UGGT1: variants seen among roughly 807,000 people sequenced by gnomAD.
UGGT1 encodes the protein UDP-glucose:glycoprotein glucosyltransferase 1.
Under a neutral mutation model 203.9 loss-of-function variants are expected in UGGT1, and 107 were observed. The ratio of observed to expected loss-of-function variants is 0.52; its 90% CI spans 0.45 to 0.62. UGGT1 has a LOEUF of 0.62. UGGT1 is among the 20% of genes least tolerant of loss of function. UGGT1 has a pLI of 0.00. For synonymous variants in UGGT1, 628 were observed against 653.5 expected, an observed-to-expected ratio of 0.96 and a Z score of 0.59; for missense variants, 1,673 against 1,867.2, an observed-to-expected ratio of 0.90 and a Z score of 1.92.
intron 29 of UGGT1, among the ~76,000 whole-genome samples, chr2:128,173,426 C>T (rs959470583): frequency 2.6e-5 from 4 of 152,140 alleles, no homozygotes; most frequent in South Asian, 2.1e-4. Flanking sequence ...ATCTTATCCT[C>T]GTTCGTATTT....
At position 128,194,266 on chromosome 2, in the gene UGGT1, CT is replaced by C. The variant is rs11402174; in HGVS notation, c.*4537del. ...CGCCACCACACCCGGCTAATTTTTG[CT>C]TTTTTTTTTTTTGAGACAGAATCTC... On this transcript the variant is annotated 3_prime_UTR_variant, in exon 41 of 41. Coordinates refer to ENST00000259253, the MANE Select transcript of UGGT1 (RefSeq NM_020120.4). 5.8e-4 allele frequency: 84 copies of C among 143,620 alleles called. No individual in the cohort carries two copies. The highest frequency in any genetic ancestry group is 7.1e-3 in the Middle Eastern group (2 of 280). The allele number at this position is 143,620 out of a possible 1,614,324, so 8.9% of individuals were successfully genotyped here.
chr2:128,154,060 T>TACACAC lies in UGGT1; in HGVS notation c.2137+1177_2137+1182dup, dbSNP rs10597837. ...GGTAGAGGAAAAATACATGTATATA[T>TACACAC]ACACACACACACACACACACACACA... On this transcript the variant is annotated intron_variant, in intron 19 of 40. Coordinates refer to ENST00000259253, the MANE Select transcript of UGGT1 (RefSeq NM_020120.4). Among the ~76,000 whole-genome samples the TACACAC allele has an allele frequency of 1.7e-3, 259 of 149,790 alleles. 1 individual carries two copies. Among genetic ancestry groups the TACACAC allele is most frequent in the African/African-American group, 3.9e-3 (158 of 40,630 alleles).
chr2:128,115,129 C>G lies in UGGT1; in HGVS notation c.702C>G (p.Pro234=). 1 of 1,613,892 alleles carries G rather than the reference C, an allele frequency of 6.2e-7. No individual in the cohort carries two copies. Residue 234 remains proline, a synonymous_variant, in exon 7 of 41, where the codon CCC becomes CCG. Transcript: ENST00000259253. ...NYVFRHYIFN[P]RKEPVYLSGY... is the part of the protein sequence containing the mutation. ...AATTCTTGCTTTACTTGCAGAATCCCAGGAAGGAGCCTGTTTACCTCTCTG... is the reference window on the plus strand; with the variant it reads ...AATTCTTGCTTTACTTGCAGAATCCGAGGAAGGAGCCTGTTTACCTCTCTG...
chr2:128,155,561 A>G lies in UGGT1; in HGVS notation c.2210A>G (p.Asn737Ser), dbSNP rs753330688. ...CAAGGCAAGACTGCTGCTGTAGCCAATAGTATGAACTATCTGACAAAGAAA... is the reference window on the plus strand; with the variant it reads ...CAAGGCAAGACTGCTGCTGTAGCCAGTAGTATGAACTATCTGACAAAGAAA... Reference protein sequence around the residue: ...DSQGKTAAVANSMNYLTKKGM... With the variant: ...DSQGKTAAVASSMNYLTKKGM... Residue 737 changes from asparagine (N) to serine (S), a missense_variant, in exon 20 of 41, where the codon AAT becomes AGT. Transcript: ENST00000259253. The G allele has an allele frequency of 9.9e-6, 16 of 1,613,080 alleles. No homozygotes were observed. Among genetic ancestry groups the G allele is most frequent in the Middle Eastern group, 1.6e-4 (1 of 6,064 alleles).
chr2:128,129,217 C>G (rs368698922), intron 13 of UGGT1, 38 bp downstream of exon 13: 1 of 1,567,284 alleles, frequency 6.4e-7, no homozygotes, highest in Non-Finnish European at 8.6e-7. Flanking sequence ...GACTTTCTGA[C>G]CAGGAATCTT....
chr2:128,138,418 G>A lies in UGGT1; in HGVS notation c.1584-299G>A, dbSNP rs1447997928. Among the ~76,000 whole-genome samples the A allele has an allele frequency of 5.9e-5, 9 of 152,076 alleles. No homozygotes were observed. In the East Asian group the frequency reaches 1.5e-3, roughly 26 times the overall value. ...TAATCGCAGCTACTTGGGAGGCTGA[G>A]GCAGGAGAATCGCTTGAACCTGGGA... On this transcript the variant is annotated intron_variant, in intron 15 of 40. Transcript: ENST00000259253.
rs1007769275 is a variant in UGGT1, at chr2:128,172,832, T to G, written c.3294+70T>G. On this transcript the variant is annotated intron_variant, in intron 29 of 40. Coordinates refer to ENST00000259253, the MANE Select transcript of UGGT1 (RefSeq NM_020120.4). ...ACAGCAGATTGAATCATAGTCTAGG[T>G]GGGCCTCTGAGACATCAGTGTTCAG... 2.8e-6 allele frequency: 4 copies of G among 1,454,496 alleles called. No homozygotes were observed. In the African/African-American group the frequency reaches 4.2e-5, roughly 15 times the overall value. 90.1% of individuals were successfully genotyped at this position (1,454,496 alleles called of 1,614,324 possible).
At position 128,187,546 on chromosome 2, in the gene UGGT1, TC is replaced by T; in HGVS notation, c.4576del (p.Arg1526AlafsTer42). 6.2e-7 allele frequency: 1 copy of T among 1,614,056 alleles called. No homozygotes were observed. Among genetic ancestry groups the T allele is most frequent in the Non-Finnish European group, 8.5e-7 (1 of 1,180,022 alleles). ...DYDQEIKQLQ[I>X]RFQKEKETGA... ...GACCAAGAGATCAAACAGCTACAGA[TC>T]CGCTTTCAGAAGGAGAAAGAAACGG... is the stretch of plus-strand genomic sequence containing the variant. On this transcript the variant is annotated frameshift_variant, in exon 40 of 41. Transcript: ENST00000259253. LOFTEE classifies it high-confidence loss of function.
intron 2 of UGGT1, among the ~76,000 whole-genome samples, chr2:128,099,180 G>T (rs1687253930): frequency 6.6e-6 from 1 of 152,102 alleles, no homozygotes; most frequent in African/African-American, 2.4e-5. Context: ...GCCTGTCTCT[G>T]TTGTTCAGGC....
At chr2:128,095,642 C>G (rs1343031249) in intron 1 of UGGT1, among the ~76,000 whole-genome samples, 1 of 152,102 alleles carries the variant, frequency 6.6e-6, no homozygotes, top group African/African-American at 2.4e-5. Flanking sequence ...GTGCATGCCA[C>G]CATGCCTGGC....
intron 4 of UGGT1, 136 bp downstream of exon 4, chr2:128,108,204 TA>T (rs1391426268): frequency 2.3e-5 from 26 of 1,134,402 alleles, no homozygotes; most frequent in Admixed American, 8.5e-5. Context: ...TTATGATTTT[TA>T]AAAAAAATAA....
chr2:128,114,182 A>C (rs1243391419), intron 6 of UGGT1, among the ~76,000 whole-genome samples: 1 of 152,066 alleles, frequency 6.6e-6, no homozygotes, highest in Admixed American at 6.6e-5. Flanking sequence ...CAGTGGCGCG[A>C]TTTCAGCTCA....
intron 25 of UGGT1, 49 bp from the exon 26 acceptor site, chr2:128,164,681 A>G: frequency 1.3e-6 from 2 of 1,524,926 alleles, no homozygotes; most frequent in Non-Finnish European, 1.8e-6. Context: ...AATAATTGGA[A>G]AACTTTCAGT....
rs1185997951 is a variant in UGGT1 at position 128,187,714 on chromosome 2, TCTC to T, written c.4642+103_4642+105del. 3.8e-6 allele frequency: 5 copies of T among 1,299,230 alleles called. No homozygotes were observed. The South Asian group carries it at 9.3e-5, about 24-fold the overall frequency. 80.5% of individuals were successfully genotyped at this position (1,299,230 alleles called of 1,614,324 possible). A position where few individuals can be genotyped will look rare whatever the true frequency, so the allele number is the denominator to read the frequency against. On this transcript the variant is annotated intron_variant, in intron 40 of 40. Transcript: ENST00000259253. ...ATAATGGATAAAAGGAAGAGAAAAA[TCTC>T]CTATTAATCCTTCCATTCTAACATC...
At chr2:128,155,384 C>A (rs938842825) in intron 19 of UGGT1, 105 bp from the exon 20 acceptor site, 2 of 818,360 alleles carry the variant, frequency 2.4e-6, no homozygotes, top group African/African-American at 1.7e-5. Flanking sequence ...ACTTCACTCA[C>A]GCATTTCTAT....
At chr2:128,091,565 C>A in intron 1 of UGGT1, 150 bp downstream of exon 1, 1 of 1,441,712 alleles carries the variant, frequency 6.9e-7, no homozygotes. Context: ...TCGCGAGCGC[C>A]CCGAGTTGCC....
chr2:128,178,538 G>T lies in UGGT1; in HGVS notation c.3784G>T (p.Ala1262Ser), dbSNP rs1691515999. 6.2e-7 allele frequency: 1 copy of T among 1,613,416 alleles called. No homozygotes were observed. Among genetic ancestry groups the T allele is most frequent in the Non-Finnish European group, 8.5e-7 (1 of 1,180,004 alleles). ...TGACATAATTAATATTTTCTCCGTT[G>T]CATCTGGTCATCTCTACGAAAGATT... ...KDDIINIFSV[A>S]SGHLYERFLR... The change falls in exon 34 of 41, where the codon GCA becomes TCA. Residue 1262 changes from alanine to serine, a missense_variant. Coordinates refer to ENST00000259253, the MANE Select transcript of UGGT1 (RefSeq NM_020120.4).
intron 26 of UGGT1, among the ~76,000 whole-genome samples, chr2:128,168,219 A>G (rs566674075): frequency 1.3e-5 from 2 of 152,302 alleles, no homozygotes; most frequent in Admixed American, 6.5e-5. Context: ...ACAAATGCCC[A>G]GGGGAAGCTG....
chr2:128,103,871 G>C, intron 2 of UGGT1, 61 bp from the exon 3 acceptor site: 1 of 1,221,802 alleles, frequency 8.2e-7, no homozygotes, highest in Non-Finnish European at 1.2e-6. Context: ...ACTCTCTTTA[G>C]TAATATAGTT....
Sources: gnomAD v4.1 joint callset for allele counts (sites outside exome capture counted in the v4.1 genomes callset) on GRCh38, gnomAD v4.1.1 for gene constraint, MANE v1.5 for transcripts, NCBI Gene and HGNC (gene_info 2026-07-23, HGNC 2026-07-21) for gene names.